Variants in BRINP2 observed in about 807,000 individuals in gnomAD.
BRINP2 encodes the protein BMP/retinoic acid-inducible neural-specific protein 2.
BRINP2 carries 21 observed loss-of-function variants against 69.2 expected under a neutral mutation model. The observed-to-expected ratio is 0.30, with a 90% CI of 0.22 to 0.44. The LOEUF (loss-of-function observed/expected upper bound fraction) is 0.44, where lower values mean the gene tolerates loss of function less well. Among genes scored for constraint, BRINP2 ranks in the 20% least tolerant of loss-of-function variants. The probability of loss-of-function intolerance (pLI) is 1.00; values close to 1 mark genes in which losing one functional copy is unlikely to be tolerated. For synonymous variants in BRINP2, 380 were observed against 394.1 expected, an observed-to-expected ratio of 0.96 and a Z score of 0.42; for missense variants, 877 against 986.0, an observed-to-expected ratio of 0.89 and a Z score of 1.48.
At chr1:177,263,403 G>C (rs926800252) in intron 4 of BRINP2, among the ~76,000 whole-genome samples, 2 of 152,156 alleles carry the variant, frequency 1.3e-5, no homozygotes. Context: ...GGCTTCAAAG[G>C]AGCCAGAGAT....
chr1:177,173,665 C>T (rs748516591), intron 1 of BRINP2, among the ~76,000 whole-genome samples: 71 of 152,326 alleles, frequency 4.7e-4, no homozygotes, highest in Middle Eastern at 6.8e-3. Context: ...TTTCTGGCCT[C>T]CTGACAGGTT....
chr1:177,233,201 CTCT>C (rs1649915086), intron 2 of BRINP2, among the ~76,000 whole-genome samples: 1 of 152,190 alleles, frequency 6.6e-6, no homozygotes, highest in Non-Finnish European at 1.5e-5. Context: ...GATTGTTTTT[CTCT>C]TCATTACAAG....
intron 1 of BRINP2, among the ~76,000 whole-genome samples, chr1:177,195,469 C>A (rs1045479554): frequency 6.6e-6 from 1 of 150,808 alleles, no homozygotes. Context: ...CAGCGCCCTG[C>A]CTTTCCTTTC....
rs747196450 is a variant in BRINP2 at position 177,255,899 on chromosome 1, T to G, written c.270-20T>G. The G allele has an allele frequency of 3.1e-6, 5 of 1,612,236 alleles. No individual in the cohort carries two copies. The highest frequency in any genetic ancestry group is 4.2e-6 in the Non-Finnish European group (5 of 1,179,046). On this transcript the variant is annotated intron_variant, in intron 2 of 7. Coordinates refer to ENST00000361539, the MANE Select transcript of BRINP2 (RefSeq NM_021165.4). ...CTGAAACGAGGTCAGCTTTTCCTTA[T>G]CCCTTGGCTTTTCCCCCAGGGAGTT...
Position 177,219,872 on chromosome 1 carries a change from A to T in BRINP2, c.-76-9929A>T, listed in dbSNP as rs79387737. ...GGGCCTTAAACCACCCTATGTATAT[A>T]CAGAGACTCAGCTGGGAAGTGAGCT... On this transcript the variant is annotated intron_variant, in intron 1 of 7. Transcript: ENST00000361539. 2.1e-4 allele frequency among the ~76,000 whole-genome samples: 32 copies of T among 152,332 alleles called. 2 individuals carry two copies. The East Asian group carries it at 6.0e-3, about 29-fold the overall frequency.
chr1:177,257,529 C>G (rs1650809232), intron 4 of BRINP2, 145 bp downstream of exon 4: 1 of 794,164 alleles, frequency 1.3e-6, no homozygotes, highest in South Asian at 1.9e-5. Flanking sequence ...AGCCAGCCTT[C>G]AGACACGATG....
chr1:177,279,501 G>A (rs1651623825), intron 7 of BRINP2, among the ~76,000 whole-genome samples: 2 of 152,206 alleles, frequency 1.3e-5, no homozygotes, highest in East Asian at 3.8e-4. Context: ...TTTGTGGGAA[G>A]AGAGGGAAAT....
At chr1:177,181,814 G>T (rs1324506406) in intron 1 of BRINP2, among the ~76,000 whole-genome samples, 5 of 152,196 alleles carry the variant, frequency 3.3e-5, no homozygotes, top group Admixed American at 3.3e-4. Flanking sequence ...GGACCGCGGA[G>T]CAAGGGCAGC....
chr1:177,239,969 A>C (rs140055375), intron 2 of BRINP2, among the ~76,000 whole-genome samples: 25 of 152,312 alleles, frequency 1.6e-4, no homozygotes, highest in Admixed American at 2.0e-4. Flanking sequence ...CCTCCTCTGC[A>C]AAGAGCAAAC....
intron 2 of BRINP2, among the ~76,000 whole-genome samples, chr1:177,232,106 T>G (rs893871659): frequency 3.3e-5 from 5 of 152,202 alleles, no homozygotes; most frequent in African/African-American, 1.2e-4. Flanking sequence ...GAAGCACTGT[T>G]ATCACCAAAA....
rs143141500 is a variant in BRINP2, at chr1:177,277,157, T to TTATA, written c.1012+731_1012+734dup. Among the ~76,000 whole-genome samples the TTATA allele has an allele frequency of 6.0e-3, 915 of 151,590 alleles. 7 individuals are homozygous for TTATA. The highest frequency in any genetic ancestry group is 0.021 in the African/African-American group (856 of 41,358). On this transcript the variant is annotated intron_variant, in intron 6 of 7. Coordinates refer to ENST00000361539, the MANE Select transcript of BRINP2 (RefSeq NM_021165.4). Reference sequence around the variant, plus strand: ...AACAAAGCAAGACAAAAAGGTTACATTATATATATATTTATATAATGTCTT... The same window carrying TTATA: ...AACAAAGCAAGACAAAAAGGTTACATTATATATATATATATTTATATAATGTCTT...
intron 2 of BRINP2, among the ~76,000 whole-genome samples, chr1:177,248,224 A>AT (rs958237107): frequency 1.3e-5 from 2 of 151,986 alleles, no homozygotes; most frequent in Non-Finnish European, 1.5e-5. Context: ...AATATTTTGA[A>AT]TTTTTTTTCA....
In BRINP2 at chr1:177,257,065, G is replaced by C. The variant is rs1401766653; in HGVS notation, c.461-111G>C. ...GCTGGGGGAAGAGCTTGGCAGCAGG[G>C]GCTGCACTCTCTCTCAGCTGTGTCT... On this transcript the variant is annotated intron_variant, in intron 3 of 7. Transcript: ENST00000361539. The C allele has an allele frequency of 1.9e-6, 3 of 1,563,712 alleles. No homozygotes were observed. The African/African-American group carries it at 4.0e-5, about 21-fold the overall frequency.
At chr1:177,214,300 G>T (rs1269229083) in intron 1 of BRINP2, among the ~76,000 whole-genome samples, 1 of 152,114 alleles carries the variant, frequency 6.6e-6, no homozygotes, top group African/African-American at 2.4e-5. Context: ...GGGCCTGGTG[G>T]CCGGAGCCTG....
chr1:177,222,031 C>A (rs1649552328), intron 1 of BRINP2, among the ~76,000 whole-genome samples: 1 of 152,194 alleles, frequency 6.6e-6, no homozygotes, highest in Non-Finnish European at 1.5e-5. Context: ...CAGTCATCAG[C>A]TGCAGAGGAC....
At chr1:177,174,671 C>T (rs73034409) in intron 1 of BRINP2, among the ~76,000 whole-genome samples, 4,142 of 152,306 alleles carry the variant, frequency 0.027, 204 homozygotes, top group African/African-American at 0.095. Flanking sequence ...ATAATAACTG[C>T]AGCACTGTTG....
chr1:177,237,408 AG>A (rs1361868330), intron 2 of BRINP2, among the ~76,000 whole-genome samples: 2 of 64,384 alleles, frequency 3.1e-5, no homozygotes, highest in Non-Finnish European at 7.9e-5. Context: ...ATACATTCTC[AG>A]TGATTGATGG....
intron 1 of BRINP2, among the ~76,000 whole-genome samples, chr1:177,194,678 G>C (rs970993054): frequency 2.0e-5 from 3 of 152,062 alleles, no homozygotes; most frequent in African/African-American, 7.2e-5. Context: ...TGACTAAGAA[G>C]ATTTAACTCT....
chr1:177,210,372 A>C (rs1649188261), intron 1 of BRINP2, among the ~76,000 whole-genome samples: 1 of 152,140 alleles, frequency 6.6e-6, no homozygotes, highest in Non-Finnish European at 1.5e-5. Flanking sequence ...TCACTTGTCT[A>C]GAACCATGCT....
Sources: gnomAD v4.1 joint callset for allele counts (sites outside exome capture counted in the v4.1 genomes callset) on GRCh38, gnomAD v4.1.1 for gene constraint, MANE v1.5 for transcripts, NCBI Gene and HGNC (gene_info 2026-07-23, HGNC 2026-07-21) for gene names.